Variants in PLVAP observed in about 807,000 individuals in gnomAD.
PLVAP encodes the protein plasmalemma vesicle-associated protein.
A neutral mutation model predicts 43.1 loss-of-function variants in PLVAP; 34 were observed. That is an observed-to-expected ratio of 0.79 (90% CI 0.60 to 1.05). The LOEUF is 1.05. Among genes scored for constraint, PLVAP ranks in the 50% least tolerant of loss-of-function variants. The probability of loss-of-function intolerance (pLI) is 0.00; values close to 1 mark genes in which losing one functional copy is unlikely to be tolerated. For synonymous variants in PLVAP, 241 were observed against 237.3 expected (o/e 1.02, Z -0.14); for missense variants, 574 against 593.4 (o/e 0.97, Z 0.34).
chr19:17,369,982 G>GACA (rs1356987495), intron 1 of PLVAP, among the ~76,000 whole-genome samples: 2 of 129,552 alleles, frequency 1.5e-5, no homozygotes, highest in East Asian at 4.7e-4. Context: ...CAGCCTGGGT[G>GACA]ACAGAGCGAG....
chr19:17,362,937 C>T (rs551439279), intron 3 of PLVAP, among the ~76,000 whole-genome samples: 7 of 152,244 alleles, frequency 4.6e-5, no homozygotes, highest in Admixed American at 3.3e-4. Context: ...CAACACTAAA[C>T]CAACTCCCCG....
At chr19:17,372,468 A>AT (rs1227354442) in intron 1 of PLVAP, among the ~76,000 whole-genome samples, 1 of 149,028 alleles carries the variant, frequency 6.7e-6, no homozygotes, top group Admixed American at 6.7e-5. Context: ...TTATTTATTT[A>AT]TTTTTTGAGA....
chr19:17,377,238 G>C lies in PLVAP; in HGVS notation c.51C>G (p.Ser17Arg). Residue 17 changes from serine to arginine, a missense_variant, in exon 1 of 6, where the codon AGC becomes AGG. Transcript: ENST00000252590. ...GCAGGTAATACCAGCAGCCCCGAGA[G>C]CTGCCCCCCGCCCGAGCGTAGGACC... ...HGGSYARAGG[S>R]SRGCWYYLRY... The C allele has an allele frequency of 6.2e-7, 1 of 1,614,118 alleles. No individual in the cohort carries two copies. The highest frequency in any genetic ancestry group is 8.5e-7 in the Non-Finnish European group (1 of 1,179,982).
intron 1 of PLVAP, among the ~76,000 whole-genome samples, chr19:17,374,349 C>G (rs2074586236): frequency 6.6e-6 from 1 of 151,952 alleles, no homozygotes; most frequent in African/African-American, 2.4e-5. Context: ...CCTGTAGTCC[C>G]AGCTACTCAG....
At chr19:17,356,875 C>T (rs753629645) in intron 5 of PLVAP, among the ~76,000 whole-genome samples, 37 of 152,082 alleles carry the variant, frequency 2.4e-4, no homozygotes, top group Non-Finnish European at 4.9e-4. Context: ...AGGAGAATCA[C>T]TTGAACCCAG....
chr19:17,369,727 G>A (rs940970058), intron 1 of PLVAP, among the ~76,000 whole-genome samples: 31 of 151,104 alleles, frequency 2.1e-4, no homozygotes, highest in African/African-American at 6.8e-4. Context: ...TCGGCTGGGC[G>A]CGGTGGCTCA....
intron 5 of PLVAP, among the ~76,000 whole-genome samples, chr19:17,354,120 T>C (rs1177914976): frequency 1.3e-5 from 2 of 151,820 alleles, no homozygotes; most frequent in East Asian, 1.9e-4. Flanking sequence ...TGAAAACTCA[T>C]TTCTACTATA....
intron 1 of PLVAP, among the ~76,000 whole-genome samples, chr19:17,375,090 G>T (rs1312124853): frequency 6.6e-6 from 1 of 152,088 alleles, no homozygotes; most frequent in African/African-American, 2.4e-5. Context: ...TCACAGTGCT[G>T]GGATTACAGG....
chr19:17,376,874 G>A (rs1232438831), intron 1 of PLVAP, 46 bp downstream of exon 1: 1 of 1,553,974 alleles, frequency 6.4e-7, no homozygotes, highest in East Asian at 2.3e-5. Context: ...GAGGTGAGGG[G>A]GCTTGCTCAG....
At chr19:17,370,213 T>G (rs1599578073) in intron 1 of PLVAP, among the ~76,000 whole-genome samples, 1 of 152,054 alleles carries the variant, frequency 6.6e-6, no homozygotes, top group Non-Finnish European at 1.5e-5. Context: ...TGTACAATGT[T>G]GCAACGGCTT....
Position 17,360,508 on chromosome 19 carries a change from C to T in PLVAP, c.1322+20G>A, listed in dbSNP as rs767488408. 8 of 1,608,898 alleles carry T rather than the reference C, an allele frequency of 5.0e-6. No homozygotes were observed. Among genetic ancestry groups the T allele is most frequent in the Non-Finnish European group, 6.0e-6 (7 of 1,175,272 alleles). ...CCACAGTTCTAAGACTGAACAACTG[C>T]AGTCTGCCCAGTGCCTTACCTGGAT... On this transcript the variant is annotated intron_variant, in intron 5 of 5. Transcript: ENST00000252590.
chr19:17,358,362 A>G (rs2145719151), intron 5 of PLVAP, among the ~76,000 whole-genome samples: 1 of 152,184 alleles, frequency 6.6e-6, no homozygotes, highest in South Asian at 2.1e-4. Flanking sequence ...ACTTGGCCAG[A>G]AATCCCATAT....
Position 17,376,957 on chromosome 19 carries a change from CG to C in PLVAP, c.331del (p.Arg111AlafsTer28). ...MWLNARRDLDRINASFRQCQG... is the reference protein window; with the variant it reads ...MWLNARRDLDXINASFRQCQG... ...GCACTGGCGGAAGCTGGCATTGATG[CG>C]GTCCAGGTCGCGGCGAGCATTCAGC... On this transcript the variant is annotated frameshift_variant, in exon 1 of 6. Coordinates refer to ENST00000252590, the MANE Select transcript of PLVAP (RefSeq NM_031310.3). LOFTEE classifies it high-confidence loss of function. 6.2e-7 allele frequency: 1 copy of C among 1,613,950 alleles called. No individual in the cohort carries two copies. The highest frequency in any genetic ancestry group is 1.3e-5 in the African/African-American group (1 of 75,040).
chr19:17,377,074 C>T lies in PLVAP; in HGVS notation c.215G>A (p.Ser72Asn). ...ATERRAEGLYSQLLGLTASQS... is the reference protein window; with the variant it reads ...ATERRAEGLYNQLLGLTASQS... ...GGAGGCCGTGAGCCCTAGGAGCTGACTGTATAGGCCCTCGGCTCGGCGCTC... is the reference window on the plus strand; with the variant it reads ...GGAGGCCGTGAGCCCTAGGAGCTGATTGTATAGGCCCTCGGCTCGGCGCTC... The change falls in exon 1 of 6, where the codon AGT (serine) becomes AAT (asparagine). Residue 72 changes from serine (S) to asparagine (N), a missense_variant. Ser to Asn is a conservative substitution (Grantham distance 46). Transcript: ENST00000252590. 1 of 1,614,160 alleles carries T rather than the reference C, an allele frequency of 6.2e-7. No individual in the cohort carries two copies. Among genetic ancestry groups the T allele is most frequent in the Non-Finnish European group, 8.5e-7 (1 of 1,180,018 alleles).
At chr19:17,370,198 G>A (rs2145725419) in intron 1 of PLVAP, among the ~76,000 whole-genome samples, 2 of 152,162 alleles carry the variant, frequency 1.3e-5, no homozygotes, top group Admixed American at 1.3e-4. Flanking sequence ...CAGTACTAGT[G>A]AGAATGTACA....
chr19:17,367,709 A>G (rs12610733), intron 1 of PLVAP, among the ~76,000 whole-genome samples: 74,194 of 151,702 alleles, frequency 0.49, 18,310 homozygotes, highest in African/African-American at 0.57. Context: ...TTTTGTAGAG[A>G]TGGGGTTTCA....
chr19:17,352,759 C>T (rs1345650878), intron 5 of PLVAP, among the ~76,000 whole-genome samples: 1 of 152,194 alleles, frequency 6.6e-6, no homozygotes, highest in Non-Finnish European at 1.5e-5. Context: ...CCTCTGCTCC[C>T]CCAGACCCCT....
At chr19:17,374,928 C>T (rs962634200) in intron 1 of PLVAP, among the ~76,000 whole-genome samples, 2 of 152,140 alleles carry the variant, frequency 1.3e-5, no homozygotes, top group African/African-American at 4.8e-5. Flanking sequence ...AAGTGATTCT[C>T]CTGCCTCAGC....
Position 17,366,939 on chromosome 19 carries a change from ATT to A in PLVAP, c.370-746_370-745del, listed in dbSNP as rs34408678. Among the ~76,000 whole-genome samples, 656 of 107,828 alleles carry A rather than the reference ATT, an allele frequency of 6.1e-3. 3 individuals carry two copies. Among genetic ancestry groups the A allele is most frequent in the African/African-American group, 0.017 (451 of 25,816 alleles). 70.7% of individuals were successfully genotyped at this position (107,828 alleles called of 152,430 possible). A position where few individuals can be genotyped will look rare whatever the true frequency, so the allele number is the denominator to read the frequency against. ...GCTTGAGCCACTGTGCCCGGCTCGA[ATT>A]TTTTTTTTTTTTTTTTTTTTAGACA... On this transcript the variant is annotated intron_variant, in intron 1 of 5. Transcript: ENST00000252590.
Sources: gnomAD v4.1 joint callset for allele counts (sites outside exome capture counted in the v4.1 genomes callset) on GRCh38, gnomAD v4.1.1 for gene constraint, MANE v1.5 for transcripts, NCBI Gene and HGNC (gene_info 2026-07-23, HGNC 2026-07-21) for gene names.